The following ZNF875 variants were observed in gnomAD, a reference collection of about 807,000 sequenced individuals.
ZNF875 encodes the protein HKR1, GLI-Kruppel zinc finger family member.
Under a neutral mutation model 11.2 loss-of-function variants are expected in ZNF875, and 14 were observed. The ratio of observed to expected loss-of-function variants is 1.26; its 90% confidence interval spans 0.83 to 1.96. The LOEUF (loss-of-function observed/expected upper bound fraction) is 1.96. Ranked by LOEUF, ZNF875 falls within the 30% of genes most tolerant of loss-of-function variation. ZNF875 has a pLI of 0.00. For synonymous variants in ZNF875, 301 were observed against 281.1 expected, an observed-to-expected ratio of 1.07 and a Z score of -0.71; for missense variants, 752 against 760.4, an observed-to-expected ratio of 0.99 and a Z score of 0.13.
chr19:37,325,323 G>T (rs6508714), intron 4 of ZNF875, among the ~76,000 whole-genome samples: 41,421 of 151,646 alleles, frequency 0.27, 7,047 homozygotes, highest in African/African-American at 0.48. Flanking sequence ...CTCTATTGTG[G>T]TTCTCATGTT....
At chr19:37,347,001 G>A (rs766944626) in intron 2 of ZNF875, 189 bp from the exon 3 acceptor site, 6 of 580,834 alleles carry the variant, frequency 1.0e-5, no homozygotes, top group Non-Finnish European at 1.5e-5. Flanking sequence ...ATTTTTAGTA[G>A]AGACGGGGTT....
chr19:37,363,473 A>C lies in ZNF875; in HGVS notation c.1621A>C (p.Arg541=). ...EKPFMCRECG[R]RFRQKPNLFR... ...GCCTTTTATGTGCAGGGAGTGTGGC[A>C]GAAGGTTTCGGCAGAAGCCTAACCT... is the stretch of plus-strand genomic sequence containing the variant. Residue 541 remains arginine, a synonymous_variant, in exon 5 of 5, where the codon AGA becomes CGA. Transcript: ENST00000392153. The C allele has an allele frequency of 6.2e-7, 1 of 1,613,156 alleles. No individual in the cohort carries two copies. The highest frequency in any genetic ancestry group is 8.5e-7 in the Non-Finnish European group (1 of 1,179,606).
In ZNF875 at chr19:37,362,644, CAGT is replaced by C; in HGVS notation, c.794_796del (p.Ser265del). 1 of 1,612,862 alleles carries C rather than the reference CAGT, an allele frequency of 6.2e-7. No homozygotes were observed. On this transcript the variant is annotated inframe_deletion, in exon 5 of 5. Coordinates refer to ENST00000392153, the MANE Select transcript of ZNF875 (RefSeq NM_001353803.2). Reference sequence around the variant, plus strand: ...ACACTGAGTGGGGAGACAGCTTTGGCAGTATGTCAGTCCTCATCAAAAACCCAA... The same window carrying C: ...ACACTGAGTGGGGAGACAGCTTTGGCATGTCAGTCCTCATCAAAAACCCAA...
Position 37,347,909 on chromosome 19 carries a change from A to G in ZNF875, c.256+37A>G, listed in dbSNP as rs748905319. On this transcript the variant is annotated intron_variant, in intron 4 of 4. Coordinates refer to ENST00000392153, the MANE Select transcript of ZNF875 (RefSeq NM_001353803.2). ...GTGTGGGGTAGACGGGATAATCCAC[A>G]GCTTGGCAGATAGGAAGGAGGAGGC... 4 of 1,214,678 alleles carry G rather than the reference A, an allele frequency of 3.3e-6. No individual in the cohort carries two copies. In the Admixed American group the frequency reaches 5.1e-5, roughly 16 times the overall value. The allele number at this position is 1,214,678 out of a possible 1,614,324, so 75.2% of individuals were successfully genotyped here.
chr19:37,344,624 A>G lies in ZNF875; in HGVS notation c.34-2566A>G, dbSNP rs1233205864. On this transcript the variant is annotated intron_variant, in intron 2 of 4. Coordinates refer to ENST00000392153, the MANE Select transcript of ZNF875 (RefSeq NM_001353803.2). Reference sequence around the variant, plus strand: ...TTATTTTTCAGCTGGCAAGCAGATGAATTAACTCCCCCAAGCTTCTAGCTG... The same window carrying G: ...TTATTTTTCAGCTGGCAAGCAGATGGATTAACTCCCCCAAGCTTCTAGCTG... 3.5e-6 allele frequency: 5 copies of G among 1,433,960 alleles called. No individual in the cohort carries two copies. The African/African-American group carries it at 7.0e-5, about 20-fold the overall frequency. The allele number at this position is 1,433,960 out of a possible 1,614,324, so 88.8% of individuals were successfully genotyped here. A position where few individuals can be genotyped will look rare whatever the true frequency, so the allele number is the denominator to read the frequency against.
Position 37,334,692 on chromosome 19 carries a change from G to T in ZNF875, c.-147G>T, listed in dbSNP as rs1273104766. The T allele has an allele frequency of 2.2e-6, 1 of 455,920 alleles. No homozygotes were observed. Among genetic ancestry groups the T allele is most frequent in the Non-Finnish European group, 4.4e-6 (1 of 226,800 alleles). 28.2% of individuals were successfully genotyped at this position (455,920 alleles called of 1,614,324 possible). ...AGGCGCGTTAAGCTGGTTGGGACCC[G>T]GGAAGGCCTCCCTCTTAAGGTCTTT... On this transcript the variant is annotated 5_prime_UTR_variant, in exon 1 of 5. Transcript: ENST00000392153.
chr19:37,327,826 A>G (rs1438603653), intron 4 of ZNF875, among the ~76,000 whole-genome samples: 8 of 151,968 alleles, frequency 5.3e-5, no homozygotes, highest in Non-Finnish European at 8.8e-5. Context: ...ACAAATTTCT[A>G]TGTGAGTGAT....
upstream of ZNF875, among the ~76,000 whole-genome samples, chr19:37,332,399 T>C (rs1487894959): frequency 6.6e-6 from 1 of 152,112 alleles, no homozygotes; most frequent in Admixed American, 6.5e-5. Context: ...GTATTTTTAA[T>C]AGAGATGGGG....
chr19:37,347,925 A>G (rs1034874492), intron 4 of ZNF875, 53 bp downstream of exon 4: 7 of 1,036,608 alleles, frequency 6.8e-6, no homozygotes, highest in African/African-American at 1.6e-5. Context: ...GCAGATAGGA[A>G]GGAGGAGGCA....
intron 1 of ZNF875, among the ~76,000 whole-genome samples, chr19:37,319,586 G>A (rs772355212): frequency 6.6e-6 from 1 of 151,802 alleles, no homozygotes; most frequent in Non-Finnish European, 1.5e-5. Context: ...TTCTGACATT[G>A]TTACTAAAAT....
intron 2 of ZNF875, among the ~76,000 whole-genome samples, chr19:37,340,971 A>G (rs111598128): frequency 6.6e-6 from 1 of 152,226 alleles, no homozygotes; most frequent in African/African-American, 2.4e-5. Flanking sequence ...ACTTAGATAC[A>G]TTTACTTTTT....
chr19:37,335,289 T>G (rs1305600010), intron 2 of ZNF875, 32 bp downstream of exon 2: 3 of 688,612 alleles, frequency 4.4e-6, no homozygotes, highest in African/African-American at 3.5e-5. Context: ...ATCTTGGCTG[T>G]CAACAGAATG....
Position 37,347,318 on chromosome 19 carries a change from T to C in ZNF875, c.160+2T>C. ...CTTATAACCATCTGGTCTCACTGGG[T>C]AAGAATGGCCTCCCTTGGCACTTAA... On this transcript the variant is annotated splice_donor_variant, in intron 3 of 4. Coordinates refer to ENST00000392153, the MANE Select transcript of ZNF875 (RefSeq NM_001353803.2). LOFTEE classifies it high-confidence loss of function. 1 of 1,611,180 alleles carries C rather than the reference T, an allele frequency of 6.2e-7. No homozygotes were observed.
chr19:37,332,897 G>T (rs1018644514), upstream of ZNF875, among the ~76,000 whole-genome samples: 1 of 152,150 alleles, frequency 6.6e-6, no homozygotes, highest in African/African-American at 2.4e-5. Flanking sequence ...ATGACAAGTG[G>T]TTCAGATTTA....
chr19:37,344,907 A>G (rs1354834464), intron 2 of ZNF875: 3 of 675,468 alleles, frequency 4.4e-6, no homozygotes, highest in African/African-American at 3.6e-5. Context: ...GACTAGGCAG[A>G]TACCTGAATA....
chr19:37,320,077 T>C (rs2031083427), intron 1 of ZNF875, among the ~76,000 whole-genome samples: 1 of 151,976 alleles, frequency 6.6e-6, no homozygotes, highest in South Asian at 2.1e-4. Flanking sequence ...TCAGTAGAGA[T>C]GGGGTTTCAC....
In ZNF875 at chr19:37,363,127, A is replaced by T; in HGVS notation, c.1275A>T (p.Thr425=). The stretch of plus-strand genomic sequence containing the variant: ...CAGGAGAGAAGCCTTATGTATGCAC[A>T]GAATGTGGGCGTCACTTTAGCTGGA... ...THTGEKPYVC[T]ECGRHFSWKS... is the part of the protein sequence containing the mutation. The change falls in exon 5 of 5, where the codon ACA becomes ACT. Residue 425 remains threonine, a synonymous_variant. Transcript: ENST00000392153. 1 of 1,613,112 alleles carries T rather than the reference A, an allele frequency of 6.2e-7. No homozygotes were observed. Among genetic ancestry groups the T allele is most frequent in the Non-Finnish European group, 8.5e-7 (1 of 1,179,754 alleles).
intron 4 of ZNF875, among the ~76,000 whole-genome samples, chr19:37,355,284 G>A (rs1452970197): frequency 6.6e-6 from 1 of 152,126 alleles, no homozygotes; most frequent in East Asian, 1.9e-4. Flanking sequence ...CCGCCTCCTG[G>A]GTTCAAGCGA....
rs111566987 is a variant in ZNF875, at chr19:37,363,974, C to T, written c.*199C>T. 5.3e-6 allele frequency: 3 copies of T among 567,798 alleles called. No individual in the cohort carries two copies. Among genetic ancestry groups the T allele is most frequent in the Middle Eastern group, 3.1e-4 (1 of 3,236 alleles). The allele number at this position is 567,798 out of a possible 1,614,324, so 35.2% of individuals were successfully genotyped here. On this transcript the variant is annotated 3_prime_UTR_variant, in exon 5 of 5. Transcript: ENST00000392153. ...TCCACCTGAAGGAGAATTGCTGGCT[C>T]ATTTTCAGGAGCCCTGCCCTTCCTC... is the stretch of plus-strand genomic sequence containing the variant.
Sources: gnomAD v4.1 joint callset for allele counts (sites outside exome capture counted in the v4.1 genomes callset) on GRCh38, gnomAD v4.1.1 for gene constraint, MANE v1.5 for transcripts, NCBI Gene and HGNC (gene_info 2026-07-23, HGNC 2026-07-21) for gene names.